The following FAM227B variants were observed in gnomAD, a reference collection of about 807,000 sequenced individuals.
FAM227B encodes family with sequence similarity 227 member B, also known as protein FAM227B.
In FAM227B, 88 loss-of-function variants were observed where a neutral mutation model predicts 73.8. That is an observed-to-expected ratio of 1.19 (90% confidence interval 1.00 to 1.42). The LOEUF is 1.42. Among genes scored for constraint, FAM227B ranks in the 40% most tolerant of loss-of-function variants. The pLI is 0.00. For missense variants in FAM227B, 632 were observed against 590.9 expected (o/e 1.07, Z -0.72); for synonymous variants, 210 against 190.5 (o/e 1.10, Z -0.84).
chr15:49,378,222 C>G (rs1188969322), intron 11 of FAM227B, among the ~76,000 whole-genome samples: 2 of 151,720 alleles, frequency 1.3e-5, no homozygotes, highest in South Asian at 2.1e-4. Context: ...GTCTGTGTGT[C>G]TGTTTTTATG....
intron 11 of FAM227B, among the ~76,000 whole-genome samples, chr15:49,393,969 C>T (rs2047392647): frequency 6.6e-6 from 1 of 152,110 alleles, no homozygotes; most frequent in African/African-American, 2.4e-5. Context: ...CAGGAGTGTT[C>T]TTTAAATGTC....
At chr15:49,545,244 G>A (rs1254297999) in intron 9 of FAM227B, among the ~76,000 whole-genome samples, 1 of 151,986 alleles carries the variant, frequency 6.6e-6, no homozygotes, top group African/African-American at 2.4e-5. Flanking sequence ...TATATTTCCT[G>A]GAATTTATCC....
chr15:49,420,292 C>T (rs750255822), intron 11 of FAM227B, among the ~76,000 whole-genome samples: 1 of 152,164 alleles, frequency 6.6e-6, no homozygotes, highest in Middle Eastern at 3.4e-3. Flanking sequence ...CAATAGGAGG[C>T]TGCTCAAATA....
intron 2 of FAM227B, 80 bp downstream of exon 2, chr15:49,615,041 C>A (rs2078200311): frequency 1.5e-6 from 2 of 1,317,960 alleles, no homozygotes; most frequent in Non-Finnish European, 2.2e-6. Context: ...GCCAGCTCTA[C>A]CTGGGAGCCC....
intron 11 of FAM227B, among the ~76,000 whole-genome samples, chr15:49,374,591 G>C (rs2046037707): frequency 6.6e-6 from 1 of 152,198 alleles, no homozygotes; most frequent in Non-Finnish European, 1.5e-5. Context: ...GTCTCGCTCT[G>C]TTGCCCAGGC....
chr15:49,561,677 A>AAGT (rs1398015580), intron 9 of FAM227B, among the ~76,000 whole-genome samples: 1 of 152,196 alleles, frequency 6.6e-6, no homozygotes, highest in African/African-American at 2.4e-5. Context: ...ATAACAACAC[A>AAGT]AATCAATATC....
At chr15:49,615,622 T>A (rs1598588354) in intron 1 of FAM227B, among the ~76,000 whole-genome samples, 1 of 152,134 alleles carries the variant, frequency 6.6e-6, no homozygotes, top group South Asian at 2.1e-4. Context: ...TCCTGAGGCC[T>A]CCCCAGCCAT....
intron 10 of FAM227B, among the ~76,000 whole-genome samples, chr15:49,511,335 T>C (rs1273647642): frequency 6.6e-6 from 1 of 151,654 alleles, no homozygotes; most frequent in African/African-American, 2.4e-5. Context: ...TATCATCTTA[T>C]ATATTTTGAG....
At chr15:49,507,443 C>G (rs959188641) in intron 11 of FAM227B, among the ~76,000 whole-genome samples, 2 of 152,066 alleles carry the variant, frequency 1.3e-5, no homozygotes, top group Non-Finnish European at 2.9e-5. Flanking sequence ...ATGAAATCAT[C>G]TGAGGCACTG....
At chr15:49,545,928 G>T (rs1280421014) in intron 9 of FAM227B, among the ~76,000 whole-genome samples, 2 of 141,392 alleles carry the variant, frequency 1.4e-5, no homozygotes. Flanking sequence ...CTCACCAGAA[G>T]GGAGCAGGAG....
intron 11 of FAM227B, among the ~76,000 whole-genome samples, chr15:49,412,504 A>AT (rs1324524144): frequency 1.3e-5 from 2 of 150,704 alleles, no homozygotes; most frequent in Admixed American, 1.3e-4. Context: ...TATTCTTAAA[A>AT]TTTTTTTTTT....
chr15:49,579,348 C>T (rs906133525), intron 5 of FAM227B, among the ~76,000 whole-genome samples: 1 of 152,164 alleles, frequency 6.6e-6, no homozygotes, highest in African/African-American at 2.4e-5. Flanking sequence ...CCTGCACTCT[C>T]AGGTTTACTG....
intron 11 of FAM227B, among the ~76,000 whole-genome samples, chr15:49,372,941 G>A (rs1033384716): frequency 6.6e-6 from 1 of 152,018 alleles, no homozygotes; most frequent in African/African-American, 2.4e-5. Flanking sequence ...TAAAGAATTG[G>A]TTAGCAAGGA....
intron 10 of FAM227B, among the ~76,000 whole-genome samples, chr15:49,529,390 T>C (rs955604264): frequency 4.0e-5 from 6 of 151,688 alleles, no homozygotes; most frequent in Non-Finnish European, 8.9e-5. Context: ...ATTTGGGTGA[T>C]AGGTTTACTA....
At chr15:49,585,660 G>A (rs1054596781) in intron 5 of FAM227B, among the ~76,000 whole-genome samples, 8 of 152,116 alleles carry the variant, frequency 5.3e-5, no homozygotes. Context: ...CATGGACACA[G>A]GAAGGGGAAC....
Position 49,604,275 on chromosome 15 carries a change from T to C in FAM227B, c.105+6940A>G, listed in dbSNP as rs1320071499. Among the ~76,000 whole-genome samples the C allele has an allele frequency of 4.6e-5, 7 of 152,266 alleles. 1 individual carries two copies. The highest frequency in any genetic ancestry group is 1.7e-4 in the African/African-American group (7 of 41,560). On this transcript the variant is annotated intron_variant, in intron 3 of 15. Coordinates refer to ENST00000299338, the MANE Select transcript of FAM227B (RefSeq NM_152647.3). ...TGATAAACTCCCAACACTTTTTCCA[T>C]GTGTGCAAAACTTGTTATCTTGACT... is the stretch of plus-strand genomic sequence containing the variant.
chr15:49,557,865 A>G (rs755473635), intron 9 of FAM227B, among the ~76,000 whole-genome samples: 5 of 152,224 alleles, frequency 3.3e-5, no homozygotes, highest in South Asian at 2.1e-4. Flanking sequence ...TGAATCCCTG[A>G]GTAGTCCAGT....
intron 12 of FAM227B, among the ~76,000 whole-genome samples, chr15:49,369,193 G>C (rs1391139522): frequency 6.6e-6 from 1 of 151,958 alleles, no homozygotes; most frequent in Non-Finnish European, 1.5e-5. Context: ...TCCTGACCTC[G>C]AGATCCGCCC....
At chr15:49,514,363 T>C (rs1439384363) in intron 10 of FAM227B, among the ~76,000 whole-genome samples, 1 of 152,142 alleles carries the variant, frequency 6.6e-6, no homozygotes, top group African/African-American at 2.4e-5. Flanking sequence ...GTAGCAGTTG[T>C]GAATGGGAGT....
Sources: gnomAD v4.1 joint callset for allele counts (sites outside exome capture counted in the v4.1 genomes callset) on GRCh38, gnomAD v4.1.1 for gene constraint, MANE v1.5 for transcripts, NCBI Gene and HGNC (gene_info 2026-07-23, HGNC 2026-07-21) for gene names.